Variants in ADARB2 observed in about 807,000 individuals in gnomAD.
ADARB2 encodes the protein inactive double-stranded RNA-specific editase B2.
Under a neutral mutation model 62.2 loss-of-function variants are expected in ADARB2, and 25 were observed. That is an observed-to-expected ratio of 0.40 (90% CI 0.29 to 0.56). The LOEUF (loss-of-function observed/expected upper bound fraction) is 0.56, where lower values mean the gene tolerates loss of function less well. Ranked by LOEUF, ADARB2 falls within the 20% of genes least tolerant of loss-of-function variation. ADARB2 has a pLI of 0.43. For missense variants in ADARB2, 1,071 were observed against 1,077.4 expected, an observed-to-expected ratio of 0.99 and a Z score of 0.08; for synonymous variants, 572 against 500.8, an observed-to-expected ratio of 1.14 and a Z score of -1.90.
chr10:1,499,573 T>A (rs773652769), intron 1 of ADARB2, among the ~76,000 whole-genome samples: 1 of 151,632 alleles, frequency 6.6e-6, no homozygotes, highest in Admixed American at 6.6e-5. Flanking sequence ...CACTCACTCA[T>A]CATTCATCAC....
chr10:1,678,448 C>A (rs542658063), intron 1 of ADARB2: 1 of 614,498 alleles, frequency 1.6e-6, no homozygotes. Context: ...GTAACGAACA[C>A]AGGGTCACAC....
At chr10:1,465,521 C>G (rs575080567) in intron 1 of ADARB2, among the ~76,000 whole-genome samples, 1 of 152,158 alleles carries the variant, frequency 6.6e-6, no homozygotes, top group Non-Finnish European at 1.5e-5. Flanking sequence ...ACCGCAGTGC[C>G]GACACAGTGA....
intron 1 of ADARB2, among the ~76,000 whole-genome samples, chr10:1,713,673 G>T (rs1428291093): frequency 6.6e-6 from 1 of 152,172 alleles, no homozygotes; most frequent in African/African-American, 2.4e-5. Flanking sequence ...TTAAACAAGC[G>T]CCATGGCCAG....
rs536653650 is a variant in ADARB2 at position 1,304,642 on chromosome 10, C to T, written c.1078-33573G>A. 3.3e-5 allele frequency among the ~76,000 whole-genome samples: 5 copies of T among 150,748 alleles called. No homozygotes were observed. The East Asian group carries it at 7.8e-4, about 24-fold the overall frequency. ...TACTTGGAAGTAAAGCTCTCCTCAG[C>T]AAATGTAAAAGAACAGACATTATAA... On this transcript the variant is annotated intron_variant, in intron 3 of 9. Coordinates refer to ENST00000381312, the MANE Select transcript of ADARB2 (RefSeq NM_018702.4).
intron 1 of ADARB2, among the ~76,000 whole-genome samples, chr10:1,563,744 AG>A (rs1387542584): frequency 2.0e-5 from 3 of 147,678 alleles, no homozygotes; most frequent in Non-Finnish European, 4.5e-5. Context: ...CTCGTCATCT[AG>A]CATTAGGTAT....
intron 4 of ADARB2, among the ~76,000 whole-genome samples, chr10:1,265,558 T>C (rs12780756): frequency 0.27 from 33,772 of 124,804 alleles, 5,331 homozygotes; most frequent in South Asian, 0.43. Flanking sequence ...GCCCAGGCTC[T>C]CCCGGAAGAC....
intron 1 of ADARB2, among the ~76,000 whole-genome samples, chr10:1,491,948 A>G (rs1831627522): frequency 6.6e-6 from 1 of 152,246 alleles, no homozygotes; most frequent in Admixed American, 6.5e-5. Context: ...TCTAATTTGT[A>G]AATTGCTACA....
intron 1 of ADARB2, among the ~76,000 whole-genome samples, chr10:1,383,146 G>A (rs1186170968): frequency 2.6e-5 from 4 of 152,188 alleles, no homozygotes; most frequent in African/African-American, 9.7e-5. Context: ...GCATCTGGGT[G>A]CACATCTGGA....
chr10:1,401,488 C>T (rs1480165103), intron 1 of ADARB2, among the ~76,000 whole-genome samples: 2 of 152,182 alleles, frequency 1.3e-5, no homozygotes, highest in East Asian at 1.9e-4. Flanking sequence ...TGTTCGGGGC[C>T]TCCGGTGATG....
rs71376899 is a variant in ADARB2 at position 1,234,737 on chromosome 10, C to CTTTTT, written c.1362-897_1362-893dup. 1.6e-3 allele frequency among the ~76,000 whole-genome samples: 85 copies of CTTTTT among 53,640 alleles called. 5 individuals carry two copies. Among genetic ancestry groups the CTTTTT allele is most frequent in the Admixed American group, 2.2e-3 (7 of 3,126 alleles). 35.2% of individuals were successfully genotyped at this position (53,640 alleles called of 152,430 possible). A position where few individuals can be genotyped will look rare whatever the true frequency, so the allele number is the denominator to read the frequency against. On this transcript the variant is annotated intron_variant, in intron 5 of 9. Transcript: ENST00000381312. Reference sequence around the variant, plus strand: ...GATTACAGGTGCGAGCGACCATGATCTTTTTTTTTTTTTTTTTTTTTTTTT... The same window carrying CTTTTT: ...GATTACAGGTGCGAGCGACCATGATCTTTTTTTTTTTTTTTTTTTTTTTTTTTTTT...
intron 3 of ADARB2, among the ~76,000 whole-genome samples, chr10:1,311,222 C>A (rs1831687396): frequency 6.6e-6 from 1 of 152,222 alleles, no homozygotes; most frequent in Non-Finnish European, 1.5e-5. Context: ...CATGCTGGTG[C>A]CGGTCCTGTC....
chr10:1,185,324 C>A (rs12254454), intron 8 of ADARB2, among the ~76,000 whole-genome samples: 2 of 152,216 alleles, frequency 1.3e-5, no homozygotes, highest in East Asian at 1.9e-4. Flanking sequence ...ATTCCCCCCC[C>A]TTCTGTAAAT....
In ADARB2 at chr10:1,177,934, A is replaced by G. The variant is rs1364018091; in HGVS notation, c.*5259T>C. The G allele has an allele frequency of 6.6e-6, 1 of 152,254 alleles. No homozygotes were observed. Among genetic ancestry groups the G allele is most frequent in the African/African-American group, 2.4e-5 (1 of 41,460 alleles). The allele number at this position is 152,254 out of a possible 1,614,324, so 9.4% of individuals were successfully genotyped here. ...CATGGTGAGACCCCATCTCTACCAA[A>G]AATACAAAAATTAGCCAATCTCATA... is the stretch of plus-strand genomic sequence containing the variant. On this transcript the variant is annotated 3_prime_UTR_variant, in exon 10 of 10. Transcript: ENST00000381312.
chr10:1,395,605 CCAGTG>C (rs1426247526), intron 1 of ADARB2, among the ~76,000 whole-genome samples: 1 of 152,224 alleles, frequency 6.6e-6, no homozygotes, highest in Non-Finnish European at 1.5e-5. Flanking sequence ...CCTCCAGGTT[CCAGTG>C]CAGGGGCTGT....
intron 1 of ADARB2, among the ~76,000 whole-genome samples, chr10:1,708,913 G>C (rs1174987101): frequency 6.6e-6 from 1 of 152,192 alleles, no homozygotes; most frequent in Non-Finnish European, 1.5e-5. Flanking sequence ...TGAGGGCATG[G>C]GTGGAAATCC....
chr10:1,583,009 T>A (rs753441071), intron 1 of ADARB2, among the ~76,000 whole-genome samples: 8 of 152,220 alleles, frequency 5.3e-5, no homozygotes, highest in Non-Finnish European at 1.0e-4. Context: ...CCCAGATGCA[T>A]CCACTTTGTA....
chr10:1,311,623 C>A (rs542913052), intron 3 of ADARB2, among the ~76,000 whole-genome samples: 2 of 152,320 alleles, frequency 1.3e-5, no homozygotes, highest in Non-Finnish European at 2.9e-5. Context: ...CCCCACCACA[C>A]AGATGAAGAC....
intron 1 of ADARB2, among the ~76,000 whole-genome samples, chr10:1,401,693 T>C (rs910971057): frequency 8.6e-5 from 13 of 151,436 alleles, no homozygotes; most frequent in African/African-American, 2.9e-4. Flanking sequence ...GGTTTGGGAG[T>C]GGGGTCCAGG....
chr10:1,715,748 C>G lies in ADARB2; in HGVS notation c.100+21303G>C, dbSNP rs114545282. On this transcript the variant is annotated intron_variant, in intron 1 of 9. Transcript: ENST00000381312. ...GTACACAGAGCACTCCTGGAGCGAC[C>G]AGCTGGTGCCGCTGAGGAAGCCAGG... Among the ~76,000 whole-genome samples, 528 of 152,346 alleles carry G rather than the reference C, an allele frequency of 3.5e-3. 3 individuals are homozygous for G. The highest frequency in any genetic ancestry group is 0.012 in the African/African-American group (506 of 41,568).
Sources: gnomAD v4.1 joint callset for allele counts (sites outside exome capture counted in the v4.1 genomes callset) on GRCh38, gnomAD v4.1.1 for gene constraint, MANE v1.5 for transcripts, NCBI Gene and HGNC (gene_info 2026-07-23, HGNC 2026-07-21) for gene names.